The following SPATA1 variants were observed in gnomAD, a reference collection of about 807,000 sequenced individuals.
SPATA1 encodes spermatogenesis-associated protein 1.
SPATA1 carries 57 observed loss-of-function variants against 59.6 expected under a neutral mutation model. The observed-to-expected ratio is 0.96, with a 90% CI of 0.77 to 1.19. The LOEUF (loss-of-function observed/expected upper bound fraction) is 1.19, where lower values mean the gene tolerates loss of function less well. Ranked by LOEUF, SPATA1 falls within the 50% of genes most tolerant of loss-of-function variation. The pLI is 0.00. For synonymous variants in SPATA1, 147 were observed against 163.9 expected, an observed-to-expected ratio of 0.90 and a Z score of 0.79; for missense variants, 448 against 480.7, an observed-to-expected ratio of 0.93 and a Z score of 0.64.
chr1:84,512,943 T>G (rs1682635080), intron 1 of SPATA1, among the ~76,000 whole-genome samples: 1 of 152,228 alleles, frequency 6.6e-6, no homozygotes. Context: ...CACTTTATTT[T>G]TGGTTATTGA....
chr1:84,548,699 C>G, intron 10 of SPATA1, 87 bp from the exon 11 acceptor site: 1 of 1,327,290 alleles, frequency 7.5e-7, no homozygotes, highest in Non-Finnish European at 9.7e-7. Context: ...GCTCTAGGAT[C>G]CTTTCCAGGA....
intron 1 of SPATA1, among the ~76,000 whole-genome samples, chr1:84,515,384 A>C (rs942377987): frequency 3.3e-5 from 5 of 152,154 alleles, no homozygotes; most frequent in African/African-American, 1.2e-4. Flanking sequence ...GATACTATTA[A>C]AACAATTAGT....
chr1:84,507,059 A>G (rs574077233), intron 1 of SPATA1: 5 of 152,270 alleles, frequency 3.3e-5, no homozygotes, highest in Admixed American at 3.3e-4. Context: ...ATTGAGTACC[A>G]AAGGAGTTTT....
intron 10 of SPATA1, among the ~76,000 whole-genome samples, chr1:84,548,016 TGAA>T (rs1381564984): frequency 6.6e-6 from 1 of 152,174 alleles, no homozygotes; most frequent in Non-Finnish European, 1.5e-5. Flanking sequence ...GATGTAGCAT[TGAA>T]GAAGGTGGAA....
intron 8 of SPATA1, among the ~76,000 whole-genome samples, chr1:84,538,905 T>C (rs750269743): frequency 7.2e-5 from 11 of 152,108 alleles, no homozygotes; most frequent in Admixed American, 2.0e-4. Flanking sequence ...ACTCAATCCA[T>C]CCTCCCACCT....
intron 1 of SPATA1, among the ~76,000 whole-genome samples, chr1:84,510,862 C>T (rs1156830472): frequency 6.6e-6 from 1 of 152,190 alleles, no homozygotes; most frequent in African/African-American, 2.4e-5. Flanking sequence ...TCATTTGCAA[C>T]AACATGGATA....
chr1:84,545,801 TAA>T, intron 10 of SPATA1, 42 bp downstream of exon 10: 1 of 1,341,518 alleles, frequency 7.5e-7, no homozygotes, highest in Non-Finnish European at 9.7e-7. Flanking sequence ...AAAGAAAACT[TAA>T]GTTTTACAGA....
At chr1:84,537,631 T>A (rs777000701) in intron 8 of SPATA1, among the ~76,000 whole-genome samples, 1 of 152,160 alleles carries the variant, frequency 6.6e-6, no homozygotes, top group Non-Finnish European at 1.5e-5. Flanking sequence ...TCCTTTACCT[T>A]CCTTAAGGGG....
At chr1:84,518,466 GGAGA>G (rs1347611305) in intron 2 of SPATA1, among the ~76,000 whole-genome samples, 1 of 151,760 alleles carries the variant, frequency 6.6e-6, no homozygotes, top group Admixed American at 6.6e-5. Flanking sequence ...TTATTCAGAG[GGAGA>G]GAATTACTCT....
intron 1 of SPATA1, among the ~76,000 whole-genome samples, chr1:84,511,433 A>G (rs1682539735): frequency 6.6e-6 from 1 of 152,170 alleles, no homozygotes; most frequent in Non-Finnish European, 1.5e-5. Context: ...TCAACTCAAG[A>G]CAAGTATGCC....
At chr1:84,557,707 A>T (rs1475009087), downstream of SPATA1, among the ~76,000 whole-genome samples, 1 of 151,164 alleles carries the variant, frequency 6.6e-6, no homozygotes, top group Non-Finnish European at 1.5e-5. Context: ...AATACAAAAA[A>T]ATTAGCCAGG....
intron 4 of SPATA1, among the ~76,000 whole-genome samples, chr1:84,523,610 A>G (rs1398130580): frequency 2.0e-5 from 3 of 152,198 alleles, no homozygotes; most frequent in Non-Finnish European, 1.5e-5. Flanking sequence ...TTAAAACATG[A>G]ATGATAATGG....
chr1:84,511,679 C>T (rs78395482), intron 1 of SPATA1, among the ~76,000 whole-genome samples: 10,601 of 65,200 alleles, frequency 0.16, 1,087 homozygotes, highest in African/African-American at 0.32. Flanking sequence ...TTCTTTCTTT[C>T]TTTTTTTTTT....
At chr1:84,550,816 T>G in intron 12 of SPATA1, 6 of 1,006,994 alleles carry the variant, frequency 6.0e-6, no homozygotes, top group Non-Finnish European at 5.9e-6. Flanking sequence ...TCAAAAAAAA[T>G]TTTAAGTAGT....
intron 8 of SPATA1, among the ~76,000 whole-genome samples, chr1:84,538,196 C>T (rs1204554592): frequency 2.0e-5 from 3 of 152,246 alleles, no homozygotes; most frequent in Non-Finnish European, 4.4e-5. Context: ...GTAGCTGCTA[C>T]TCCTTACATC....
chr1:84,543,490 G>C (rs908581246), intron 8 of SPATA1, among the ~76,000 whole-genome samples: 8 of 152,144 alleles, frequency 5.3e-5, no homozygotes, highest in Admixed American at 1.3e-4. Context: ...GGAAGGCAAA[G>C]GGGGAGCAAG....
chr1:84,508,349 AAT>A (rs1682375089), intron 1 of SPATA1, among the ~76,000 whole-genome samples: 1 of 152,192 alleles, frequency 6.6e-6, no homozygotes, highest in Admixed American at 6.5e-5. Context: ...ATTACCAGTA[AAT>A]ATAGTTTATG....
chr1:84,513,505 A>T (rs1188472827), intron 1 of SPATA1, among the ~76,000 whole-genome samples: 1 of 152,242 alleles, frequency 6.6e-6, no homozygotes, highest in Admixed American at 6.5e-5. Context: ...AGCACAAGCA[A>T]TGAGGAGATT....
intron 1 of SPATA1, among the ~76,000 whole-genome samples, chr1:84,514,228 C>G (rs537562236): frequency 6.8e-4 from 103 of 152,200 alleles, no homozygotes; most frequent in African/African-American, 2.4e-3. Context: ...AAGGGCTCAT[C>G]TTTTTACATC....
Sources: allele counts gnomAD v4.1 joint callset (sites outside exome capture counted in the v4.1 genomes callset), GRCh38; gene constraint gnomAD v4.1.1; transcripts MANE v1.5; gene names NCBI Gene and HGNC (gene_info 2026-07-23, HGNC 2026-07-21).